The following NEGR1 variants were observed in gnomAD, a reference collection of about 807,000 sequenced individuals.
NEGR1 encodes the protein neuronal growth regulator 1, also known as IgLON family member 4.
In NEGR1, 10 loss-of-function variants were observed where a neutral mutation model predicts 40.9. The ratio of observed to expected loss-of-function variants is 0.24; its 90% CI spans 0.15 to 0.42. The LOEUF is 0.42. Ranked by LOEUF, NEGR1 falls within the 10% of genes least tolerant of loss-of-function variation. The pLI, the probability that NEGR1 is intolerant of heterozygous loss-of-function variation, is 1.00. For missense variants in NEGR1, 352 were observed against 438.9 expected (o/e 0.80, Z 1.77); for synonymous variants, 185 against 166.8 (o/e 1.11, Z -0.84).
At chr1:71,506,846 A>G (rs1569962049) in intron 6 of NEGR1, among the ~76,000 whole-genome samples, 1 of 152,348 alleles carries the variant, frequency 6.6e-6, no homozygotes, top group Non-Finnish European at 1.5e-5. Context: ...TTATGCTGTC[A>G]TTGATGAAAA....
intron 1 of NEGR1, among the ~76,000 whole-genome samples, chr1:72,006,620 T>C (rs1381399741): frequency 6.6e-6 from 1 of 152,182 alleles, no homozygotes; most frequent in Non-Finnish European, 1.5e-5. Flanking sequence ...AACTGAATTA[T>C]GTGATGAGGG....
chr1:72,018,328 G>A (rs1047818674), intron 1 of NEGR1, among the ~76,000 whole-genome samples: 1 of 152,126 alleles, frequency 6.6e-6, no homozygotes, highest in Non-Finnish European at 1.5e-5. Flanking sequence ...AGTGGAGAAA[G>A]AAACAAAGCA....
At position 71,401,183 on chromosome 1, in the gene NEGR1, T is replaced by C. The variant is rs1302537516; in HGVS notation, c.*6263A>G. 1 of 152,194 alleles carries C rather than the reference T, an allele frequency of 6.6e-6. No homozygotes were observed. The highest frequency in any genetic ancestry group is 1.9e-4 in the East Asian group (1 of 5,192). The allele number at this position is 152,194 out of a possible 1,614,324, so 9.4% of individuals were successfully genotyped here. ...CATTATATTTGAACTCTTTTTCAAG[T>C]TGTAAATAAATAATACTAAGGCAAA... is the stretch of plus-strand genomic sequence containing the variant. On this transcript the variant is annotated 3_prime_UTR_variant, in exon 7 of 7. Coordinates refer to ENST00000357731, the MANE Select transcript of NEGR1 (RefSeq NM_173808.3).
At chr1:71,895,913 G>T (rs1222667684) in intron 2 of NEGR1, among the ~76,000 whole-genome samples, 4 of 151,736 alleles carry the variant, frequency 2.6e-5, no homozygotes, top group African/African-American at 9.7e-5. Context: ...CAAGGTACCA[G>T]TTTCTCCGCC....
At chr1:71,852,120 T>C (rs562389900) in intron 2 of NEGR1, among the ~76,000 whole-genome samples, 14 of 152,278 alleles carry the variant, frequency 9.2e-5, no homozygotes, top group Admixed American at 6.5e-4. Flanking sequence ...CTTACTTCCA[T>C]ACATCGTTGC....
At chr1:72,191,824 T>C (rs1652830115) in intron 1 of NEGR1, among the ~76,000 whole-genome samples, 1 of 151,498 alleles carries the variant, frequency 6.6e-6, no homozygotes, top group East Asian at 2.0e-4. Flanking sequence ...GGCCATGGGG[T>C]AGAGGGAAAC....
intron 6 of NEGR1, among the ~76,000 whole-genome samples, chr1:71,532,200 G>T (rs1647378586): frequency 6.6e-6 from 1 of 151,494 alleles, no homozygotes; most frequent in South Asian, 2.1e-4. Context: ...GAAAAAGGTT[G>T]TTTCTAATAT....
At chr1:71,600,205 T>G (rs1649868196) in intron 5 of NEGR1, among the ~76,000 whole-genome samples, 1 of 152,186 alleles carries the variant, frequency 6.6e-6, no homozygotes, top group Admixed American at 6.5e-5. Context: ...TAAGAATGGC[T>G]CTACTTTATA....
chr1:71,898,866 AATATATATATTGCAAAT>A (rs201424133), intron 2 of NEGR1, among the ~76,000 whole-genome samples: 32,317 of 135,398 alleles, frequency 0.24, 4,426 homozygotes, highest in East Asian at 0.49. Flanking sequence ...ATATATTGCA[AATATATATATTGCAAAT>A]ATATATATAT....
In NEGR1 at chr1:71,607,649, T is replaced by C. The variant is rs537691170; in HGVS notation, c.788+3377A>G. Among the ~76,000 whole-genome samples the C allele has an allele frequency of 9.2e-5, 14 of 152,352 alleles. No individual in the cohort carries two copies. The South Asian group carries it at 2.5e-3, about 27-fold the overall frequency. Reference sequence around the variant, plus strand: ...TCAACTTAGAACACTACCTGTCCAATAGCAGGTGCTTGCTAAATAGACAGC... The same window carrying C: ...TCAACTTAGAACACTACCTGTCCAACAGCAGGTGCTTGCTAAATAGACAGC... On this transcript the variant is annotated intron_variant, in intron 5 of 6. Coordinates refer to ENST00000357731, the MANE Select transcript of NEGR1 (RefSeq NM_173808.3).
chr1:71,912,005 T>C (rs1661432319), intron 2 of NEGR1, among the ~76,000 whole-genome samples: 1 of 152,192 alleles, frequency 6.6e-6, no homozygotes, highest in Admixed American at 6.5e-5. Context: ...TACCCTGGTG[T>C]CTGGCAGGTA....
intron 2 of NEGR1, among the ~76,000 whole-genome samples, chr1:71,921,952 G>C (rs1013553331): frequency 1.1e-4 from 17 of 151,872 alleles, no homozygotes; most frequent in Non-Finnish European, 2.2e-4. Context: ...TCAAAAAAAG[G>C]ATGGTCTAAT....
At chr1:71,773,307 G>C (rs1361649942) in intron 3 of NEGR1, among the ~76,000 whole-genome samples, 1 of 152,108 alleles carries the variant, frequency 6.6e-6, no homozygotes, top group African/African-American at 2.4e-5. Context: ...ATTACTTCTC[G>C]TGTTGACATG....
intron 1 of NEGR1, among the ~76,000 whole-genome samples, chr1:72,111,176 C>A (rs1206721915): frequency 2.0e-5 from 3 of 151,170 alleles, no homozygotes; most frequent in Non-Finnish European, 4.4e-5. Context: ...GGATACTGAA[C>A]ATGTGTTCCA....
intron 2 of NEGR1, among the ~76,000 whole-genome samples, chr1:71,900,233 C>T (rs1339588040): frequency 1.3e-5 from 2 of 152,080 alleles, no homozygotes; most frequent in Admixed American, 1.3e-4. Flanking sequence ...GCCAATTCAA[C>T]CATAGTAAAG....
chr1:71,401,075 G>C lies in NEGR1; in HGVS notation c.*6371C>G, dbSNP rs1358220339. ...CTCTTCATTGCAGAGAAGAATTTTT[G>C]CTGAAATGAAAAACCACTAATTACT... On this transcript the variant is annotated 3_prime_UTR_variant, in exon 7 of 7. Transcript: ENST00000357731. The C allele has an allele frequency of 6.6e-6, 1 of 152,108 alleles. No individual in the cohort carries two copies. The highest frequency in any genetic ancestry group is 2.4e-5 in the African/African-American group (1 of 41,438). 9.4% of individuals were successfully genotyped at this position (152,108 alleles called of 1,614,324 possible). A position where few individuals can be genotyped will look rare whatever the true frequency, so the allele number is the denominator to read the frequency against.
At chr1:71,964,651 C>A (rs1646195787) in intron 1 of NEGR1, among the ~76,000 whole-genome samples, 1 of 152,052 alleles carries the variant, frequency 6.6e-6, no homozygotes, top group Admixed American at 6.6e-5. Context: ...GAGTTTATGA[C>A]CCAGAGTATC....
At chr1:71,546,343 G>A (rs1413295799) in intron 6 of NEGR1, among the ~76,000 whole-genome samples, 1 of 151,672 alleles carries the variant, frequency 6.6e-6, no homozygotes, top group Non-Finnish European at 1.5e-5. Flanking sequence ...TACCCATGAT[G>A]TGCCAAGTAT....
chr1:71,441,202 A>G (rs1646544777), intron 6 of NEGR1, among the ~76,000 whole-genome samples: 1 of 152,238 alleles, frequency 6.6e-6, no homozygotes, highest in African/African-American at 2.4e-5. Flanking sequence ...AGTGGTCAAC[A>G]ATCGCTCCAA....
Sources: allele counts gnomAD v4.1 joint callset (sites outside exome capture counted in the v4.1 genomes callset), GRCh38; gene constraint gnomAD v4.1.1; transcripts MANE v1.5; gene names NCBI Gene and HGNC (gene_info 2026-07-23, HGNC 2026-07-21).